Variants in GFM1 observed in about 807,000 individuals in gnomAD.
GFM1 encodes G elongation factor mitochondrial 1, also known as elongation factor G, mitochondrial.
A neutral mutation model predicts 96.2 loss-of-function variants in GFM1; 62 were observed. The ratio of observed to expected loss-of-function variants is 0.64; its 90% CI spans 0.53 to 0.80. The LOEUF (loss-of-function observed/expected upper bound fraction) is 0.80. Among genes scored for constraint, GFM1 ranks in the 30% least tolerant of loss-of-function variants. GFM1 has a pLI of 0.00. For synonymous variants in GFM1, 282 were observed against 312.9 expected (o/e 0.90, Z 1.04); for missense variants, 852 against 916.6 (o/e 0.93, Z 0.91).
At chr3:158,678,473 C>G (rs1386942547) in intron 13 of GFM1, among the ~76,000 whole-genome samples, 2 of 152,054 alleles carry the variant, frequency 1.3e-5, no homozygotes, top group Non-Finnish European at 2.9e-5. Flanking sequence ...GATTCCAACC[C>G]TCATGGATGA....
At chr3:158,680,355 A>G (rs1303402108) in intron 13 of GFM1, among the ~76,000 whole-genome samples, 1 of 152,140 alleles carries the variant, frequency 6.6e-6, no homozygotes, top group Non-Finnish European at 1.5e-5. Context: ...TGTTTTGCCA[A>G]AATGAAATTG....
chr3:158,664,715 C>G (rs1723488233), intron 11 of GFM1, among the ~76,000 whole-genome samples: 1 of 152,136 alleles, frequency 6.6e-6, no homozygotes, highest in Admixed American at 6.5e-5. Context: ...GGTCTGTAAC[C>G]TTAGTTACAT....
chr3:158,666,928 G>A (rs908641282), intron 13 of GFM1: 1 of 1,529,446 alleles, frequency 6.5e-7, no homozygotes, highest in African/African-American at 1.4e-5. Context: ...CTGATTTAGA[G>A]TCAAAATTAA....
chr3:158,658,157 C>CTTTT (rs397842738), intron 8 of GFM1, among the ~76,000 whole-genome samples: 1,166 of 97,320 alleles, frequency 0.012, 170 homozygotes, highest in African/African-American at 0.048. Context: ...TCACAGAACT[C>CTTTT]TTTTTTTTTT....
intron 3 of GFM1, 144 bp downstream of exon 3, chr3:158,646,441 C>T (rs1721810120): frequency 5.6e-6 from 5 of 899,918 alleles, no homozygotes; most frequent in African/African-American, 1.7e-5. Flanking sequence ...TAACTTAGGA[C>T]CTAGAGCACT....
chr3:158,658,520 G>A (rs1722945508), intron 8 of GFM1, among the ~76,000 whole-genome samples: 1 of 152,116 alleles, frequency 6.6e-6, no homozygotes. Flanking sequence ...TGTTTTAGAT[G>A]TATAGCACAC....
At position 158,662,669 on chromosome 3, in the gene GFM1, G is replaced by A; in HGVS notation, c.1365G>A (p.Met455Ile). The change falls in exon 11 of 18, where the codon ATG (methionine) becomes ATA (isoleucine). Residue 455 changes from methionine (M) to isoleucine (I), a missense_variant. Transcript: ENST00000486715. Reference sequence around the variant, plus strand: ...CTGATCCTGTCATTTCAATAGCAATGAAGCCTTCTAACAAGGTAGGAGTTT... The same window carrying A: ...CTGATCCTGTCATTTCAATAGCAATAAAGCCTTCTAACAAGGTAGGAGTTT... ...HVPDPVISIA[M>I]KPSNKNDLEK... 1.3e-6 allele frequency: 2 copies of A among 1,596,180 alleles called. No homozygotes were observed. Among genetic ancestry groups the A allele is most frequent in the Non-Finnish European group, 1.7e-6 (2 of 1,164,210 alleles).
intron 14 of GFM1, among the ~76,000 whole-genome samples, chr3:158,682,747 G>A (rs9853503): frequency 0.42 from 63,229 of 152,036 alleles, 14,303 homozygotes; most frequent in African/African-American, 0.6. Flanking sequence ...GTCATAGGCC[G>A]GGCATGATGG....
chr3:158,684,850 C>G lies in GFM1; in HGVS notation c.1909+182C>G. ...GTAGATTATTATGTTCTCTTTCTTGCAAAGCTAAAAGACTACTGTATTCTC... is the reference window on the plus strand; with the variant it reads ...GTAGATTATTATGTTCTCTTTCTTGGAAAGCTAAAAGACTACTGTATTCTC... On this transcript the variant is annotated intron_variant, in intron 15 of 17. Coordinates refer to ENST00000486715, the MANE Select transcript of GFM1 (RefSeq NM_024996.7). The G allele has an allele frequency of 1.5e-5, 9 of 615,380 alleles. No individual in the cohort carries two copies. In the South Asian group the frequency reaches 1.8e-4, roughly 12 times the overall value. 38.1% of individuals were successfully genotyped at this position (615,380 alleles called of 1,614,324 possible). A position where few individuals can be genotyped will look rare whatever the true frequency, so the allele number is the denominator to read the frequency against.
chr3:158,646,584 C>G (rs1177525072), intron 3 of GFM1, among the ~76,000 whole-genome samples, 159 bp from the exon 4 acceptor site: 1 of 152,116 alleles, frequency 6.6e-6, no homozygotes. Flanking sequence ...CTTGCCAGGC[C>G]CTGCACCTAA....
rs1665419856 is a variant in GFM1, at chr3:158,667,451, T to C, written c.1601+1065T>C. ...TAAGCTATAGCAATGGGTGTTTACA[T>C]TGAAAGAATCCAATTTTATAACAGA... On this transcript the variant is annotated intron_variant, in intron 13 of 17. Coordinates refer to ENST00000486715, the MANE Select transcript of GFM1 (RefSeq NM_024996.7). Among the ~76,000 whole-genome samples the C allele has an allele frequency of 2.0e-5, 3 of 152,196 alleles. No homozygotes were observed. The South Asian group carries it at 6.2e-4, about 31-fold the overall frequency.
chr3:158,660,534 C>T (rs935799889), intron 9 of GFM1: 2 of 300,414 alleles, frequency 6.7e-6, no homozygotes. Context: ...AGGCATGAGA[C>T]ACCATGCCCC....
In GFM1 at chr3:158,652,223, A is replaced by G. The variant is rs1278054865; in HGVS notation, c.817A>G (p.Ile273Val). The G allele has an allele frequency of 6.2e-7, 1 of 1,614,122 alleles. No individual in the cohort carries two copies. Among genetic ancestry groups the G allele is most frequent in the Admixed American group, 1.7e-5 (1 of 60,016 alleles). The change falls in exon 6 of 18, where the codon ATC becomes GTC. Residue 273 changes from isoleucine (I) to valine (V), a missense_variant. Transcript: ENST00000486715. ...QLGEMFLEEK[I>V]PSISDLKLAI... ...TGGTGAGATGTTTCTGGAAGAAAAA[A>G]TCCCCTCGATTTCTGATTTAAAGGC...
Position 158,660,884 on chromosome 3 carries a change from A to T in GFM1, c.1232A>T (p.Glu411Val). 1 of 1,613,250 alleles carries T rather than the reference A, an allele frequency of 6.2e-7. No individual in the cohort carries two copies. Among genetic ancestry groups the T allele is most frequent in the Non-Finnish European group, 8.5e-7 (1 of 1,179,236 alleles). ...MHADMMEDVE[E>V]VYAGDICALF... ...TATTTGTTTTTTTAGGATGTTGAGG[A>T]AGTATATGCCGGAGACATCTGTGCA... is the stretch of plus-strand genomic sequence containing the variant. Residue 411 changes from glutamate (E) to valine (V), a missense_variant, in exon 10 of 18, where the codon GAA becomes GTA. Transcript: ENST00000486715.
At chr3:158,645,268 T>C (rs538480973) in intron 1 of GFM1, among the ~76,000 whole-genome samples, 2 of 152,292 alleles carry the variant, frequency 1.3e-5, no homozygotes, top group East Asian at 1.9e-4. Flanking sequence ...GGGAAAAAAA[T>C]TAAGTTAAAT....
chr3:158,650,780 T>C (rs1173101974), intron 5 of GFM1: 2 of 152,198 alleles, frequency 1.3e-5, no homozygotes, highest in African/African-American at 4.8e-5. Context: ...CCCAGCACTT[T>C]GGAAGGCCGA....
chr3:158,645,582 C>G (rs1161950092), intron 1 of GFM1, 47 bp from the exon 2 acceptor site: 2 of 1,489,806 alleles, frequency 1.3e-6, no homozygotes, highest in Admixed American at 1.7e-5. Flanking sequence ...GTCTGTTGTT[C>G]TCTCTTATAA....
intron 1 of GFM1, chr3:158,644,948 G>T: frequency 4.9e-5 from 20 of 406,364 alleles, no homozygotes; most frequent in East Asian, 1.9e-4. Flanking sequence ...CTGTCACTCA[G>T]ATACTTTGAT....
chr3:158,646,396 C>CAA, intron 3 of GFM1, 99 bp downstream of exon 3: 2 of 1,237,574 alleles, frequency 1.6e-6, no homozygotes, highest in Non-Finnish European at 2.4e-6. Context: ...GTCAAATACT[C>CAA]AAAAGTGTAA....
Sources: allele counts gnomAD v4.1 joint callset (sites outside exome capture counted in the v4.1 genomes callset), GRCh38; gene constraint gnomAD v4.1.1; transcripts MANE v1.5; gene names NCBI Gene and HGNC (gene_info 2026-07-23, HGNC 2026-07-21).